Variants in OCA2 observed in about 807,000 individuals in gnomAD.
OCA2 encodes the protein OCA2 melanosomal transmembrane protein.
OCA2 carries 77 observed loss-of-function variants against 100.2 expected under a neutral mutation model. The ratio of observed to expected loss-of-function variants is 0.77; its 90% confidence interval spans 0.64 to 0.93. The LOEUF (loss-of-function observed/expected upper bound fraction) is 0.93, where lower values mean the gene tolerates loss of function less well. Ranked by LOEUF, OCA2 falls within the 40% of genes least tolerant of loss-of-function variation. OCA2 has a pLI of 0.00. For synonymous variants in OCA2, 432 were observed against 439.2 expected, an observed-to-expected ratio of 0.98 and a Z score of 0.21; for missense variants, 1,062 against 1,089.1, an observed-to-expected ratio of 0.98 and a Z score of 0.35.
chr15:28,028,118 C>A (rs756882918), intron 3 of OCA2, 59 bp from the exon 4 acceptor site: 25 of 1,590,476 alleles, frequency 1.6e-5, no homozygotes, highest in Non-Finnish European at 1.7e-5. Flanking sequence ...ACAAAGCAAG[C>A]TTTCCTCTGA....
chr15:27,867,313 A>C (rs1230622360), intron 21 of OCA2, among the ~76,000 whole-genome samples: 2 of 152,252 alleles, frequency 1.3e-5, no homozygotes, highest in Admixed American at 1.3e-4. Context: ...GATGGTGAAA[A>C]AAAAGAATTA....
At chr15:27,823,360 A>T (rs2034577393) in intron 23 of OCA2, among the ~76,000 whole-genome samples, 1 of 152,020 alleles carries the variant, frequency 6.6e-6, no homozygotes, top group South Asian at 2.1e-4. Context: ...GGAGGAAGAA[A>T]GATAGGTCAC....
rs567703677 is a variant in OCA2 at position 27,776,303 on chromosome 15, CCCT to C, written c.2433-20834_2433-20832del. Among the ~76,000 whole-genome samples the C allele has an allele frequency of 6.6e-5, 10 of 152,318 alleles. No homozygotes were observed. In the East Asian group the frequency reaches 1.7e-3, roughly 26 times the overall value. On this transcript the variant is annotated intron_variant, in intron 23 of 23. Coordinates refer to ENST00000354638, the MANE Select transcript of OCA2 (RefSeq NM_000275.3). ...TTCTGCACACCATCTCTTCTTCCCT[CCCT>C]CCTGCCATCCCTACATTCTTTCCTT...
intron 23 of OCA2, among the ~76,000 whole-genome samples, chr15:27,821,634 GCACA>G (rs1444891080): frequency 1.5e-4 from 18 of 122,180 alleles, no homozygotes; most frequent in Admixed American, 7.2e-4. Flanking sequence ...GTGCACACTT[GCACA>G]CAAGTGTGCA....
chr15:27,892,316 CA>C (rs1323202227), intron 19 of OCA2, among the ~76,000 whole-genome samples: 2 of 151,034 alleles, frequency 1.3e-5, no homozygotes, highest in East Asian at 1.9e-4. Context: ...TTCTGGGTCA[CA>C]AAAAAAATTC....
the OCA2 span, among the ~76,000 whole-genome samples, chr15:27,726,067 C>T: frequency 0.017 from 2,510 of 151,770 alleles, 73 homozygotes; most frequent in African/African-American, 0.058. Context: ...GAGCCTAAGG[C>T]GGGTGGATCA....
chr15:28,011,560 T>G (rs1253967937), intron 9 of OCA2, among the ~76,000 whole-genome samples: 1 of 151,394 alleles, frequency 6.6e-6, no homozygotes, highest in African/African-American at 2.4e-5. Flanking sequence ...ATCTTTGGAC[T>G]CTGGAATTAT....
intron 6 of OCA2, 122 bp from the exon 7 acceptor site, chr15:28,018,679 G>A (rs952650927): frequency 2.9e-5 from 26 of 903,042 alleles, no homozygotes; most frequent in Middle Eastern, 6.2e-4. Flanking sequence ...GGTGCCCCAC[G>A]CCCTTGGCCA....
chr15:27,909,184 A>G (rs974281933), intron 19 of OCA2, among the ~76,000 whole-genome samples: 3 of 152,214 alleles, frequency 2.0e-5, no homozygotes, highest in African/African-American at 7.2e-5. Flanking sequence ...ATTTTATAAT[A>G]CCTTTAACAA....
intron 2 of OCA2, among the ~76,000 whole-genome samples, chr15:28,076,599 G>A (rs1458504437): frequency 6.6e-6 from 1 of 151,996 alleles, no homozygotes; most frequent in East Asian, 1.9e-4. Flanking sequence ...TGTAATCCCA[G>A]CACTTTGGGA....
chr15:27,753,291 G>C (rs1031211389), downstream of OCA2, among the ~76,000 whole-genome samples: 47 of 151,408 alleles, frequency 3.1e-4, no homozygotes, highest in Admixed American at 2.6e-4. Flanking sequence ...AGGTCCTGGA[G>C]ACCCAGGGTG....
chr15:28,064,317 C>T (rs1008857895), intron 2 of OCA2, among the ~76,000 whole-genome samples: 5 of 152,118 alleles, frequency 3.3e-5, no homozygotes, highest in Middle Eastern at 3.4e-3. Context: ...ACATCTGTGT[C>T]GTTTTCAGTT....
At chr15:28,087,564 G>A (rs1326128909) in intron 1 of OCA2, among the ~76,000 whole-genome samples, 1 of 151,908 alleles carries the variant, frequency 6.6e-6, no homozygotes, top group African/African-American at 2.4e-5. Flanking sequence ...TGGGCAACAT[G>A]GCAAAATCCC....
chr15:27,824,621 T>TATATATATATATATAA (rs1315693272), intron 23 of OCA2, among the ~76,000 whole-genome samples: 1 of 124,152 alleles, frequency 8.1e-6, no homozygotes, highest in East Asian at 2.8e-4. Context: ...TATATATATA[T>TATATATATATATATAA]AATATAATAT....
intron 23 of OCA2, among the ~76,000 whole-genome samples, chr15:27,760,981 GA>G (rs1233214491): frequency 6.6e-6 from 1 of 151,900 alleles, no homozygotes; most frequent in Non-Finnish European, 1.5e-5. Context: ...GGAAGCAAAT[GA>G]AAAAACTACA....
intron 19 of OCA2, among the ~76,000 whole-genome samples, chr15:27,897,912 C>A (rs1439228669): frequency 6.6e-6 from 1 of 152,224 alleles, no homozygotes; most frequent in Non-Finnish European, 1.5e-5. Context: ...ATCAGCATGA[C>A]CCGGATGTGG....
rs1190757130 is a variant in OCA2 at position 27,957,991 on chromosome 15, A to G, written c.1637-256T>C. Among the ~76,000 whole-genome samples the G allele has an allele frequency of 6.6e-6, 1 of 152,180 alleles. No homozygotes were observed. The highest frequency in any genetic ancestry group is 1.5e-5 in the Non-Finnish European group (1 of 68,024). ...CCACATGTTCTCACTCATAGGTGGG[A>G]ATTGAACAATGAGAACACTTGGACA... On this transcript the variant is annotated intron_variant, in intron 15 of 23. Transcript: ENST00000354638. The surrounding 1 kb of genome is among the most constrained non-coding windows in gnomAD (Gnocchi z 4.3).
At chr15:28,073,113 C>T (rs1054105208) in intron 2 of OCA2, among the ~76,000 whole-genome samples, 2 of 152,096 alleles carry the variant, frequency 1.3e-5, no homozygotes, top group African/African-American at 4.8e-5. Context: ...ACTATGCAGC[C>T]ATAAAAAAGA....
intron 23 of OCA2, among the ~76,000 whole-genome samples, chr15:27,815,653 G>A (rs1008764220): frequency 4.6e-5 from 7 of 152,234 alleles, no homozygotes; most frequent in South Asian, 2.1e-4. Context: ...CCAACAGATC[G>A]CGTGAAATAA....
Sources: allele counts gnomAD v4.1 joint callset (sites outside exome capture counted in the v4.1 genomes callset), GRCh38; gene constraint gnomAD v4.1.1; non-coding constraint Gnocchi (gnomAD v3.1); transcripts MANE v1.5; gene names NCBI Gene and HGNC (gene_info 2026-07-23, HGNC 2026-07-21).